B4GALT4: variants seen among roughly 807,000 people sequenced by gnomAD.
The protein encoded by B4GALT4 is beta-1,4-galactosyltransferase 4.
In B4GALT4, 27 loss-of-function variants were observed where a neutral mutation model predicts 37.3. That is an observed-to-expected ratio of 0.72 (90% CI 0.53 to 1.00). The LOEUF is 1.00. Ranked by LOEUF, B4GALT4 falls within the 50% of genes least tolerant of loss-of-function variation. The probability of loss-of-function intolerance (pLI) is 0.00; values close to 1 mark genes in which losing one functional copy is unlikely to be tolerated. For missense variants in B4GALT4, 372 were observed against 413.1 expected, an observed-to-expected ratio of 0.90 and a Z score of 0.86; for synonymous variants, 148 against 154.1, an observed-to-expected ratio of 0.96 and a Z score of 0.29.
At chr3:119,216,434 ACACACG>A (rs1360735558) in intron 6 of B4GALT4, 90 bp from the exon 7 acceptor site, 5 of 313,460 alleles carry the variant, frequency 1.6e-5, no homozygotes, top group South Asian at 3.5e-5. Context: ...ATTTATACAC[ACACACG>A]CACATACACA....
At chr3:119,223,137 C>T (rs2078497263) in intron 5 of B4GALT4, among the ~76,000 whole-genome samples, 1 of 152,210 alleles carries the variant, frequency 6.6e-6, no homozygotes, top group Non-Finnish European at 1.5e-5. Context: ...CCCTCTCTCC[C>T]CTCCTTACCA....
chr3:119,239,160 T>A (rs559454117), intron 1 of B4GALT4, among the ~76,000 whole-genome samples: 1 of 152,096 alleles, frequency 6.6e-6, no homozygotes, highest in Non-Finnish European at 1.5e-5. Flanking sequence ...ACCCCATCAC[T>A]ACTAAAAATA....
Position 119,230,051 on chromosome 3 carries a change from A to G in B4GALT4, c.49T>C (p.Leu17=). The G allele has an allele frequency of 6.2e-7, 1 of 1,614,208 alleles. No individual in the cohort carries two copies. The highest frequency in any genetic ancestry group is 8.5e-7 in the Non-Finnish European group (1 of 1,180,022). The change falls in exon 3 of 8, where the codon TTG becomes CTG. Residue 17 remains leucine, a synonymous_variant. Coordinates refer to ENST00000393765, the MANE Select transcript of B4GALT4 (RefSeq NM_003778.4). ...ACTGTCAGGCACAAAGTCAACAGCA[A>G]CAGTAATCGGAATTTGTAGGAAAGG... ...FHLSYKFRLL[L]LLTLCLTVVG...
chr3:119,212,915 C>A, intron 7 of B4GALT4: 1 of 449,644 alleles, frequency 2.2e-6, no homozygotes, highest in African/African-American at 2.0e-5. Flanking sequence ...TGTCACTGCA[C>A]TCAGTGAGCC....
intron 5 of B4GALT4, among the ~76,000 whole-genome samples, chr3:119,219,525 G>A (rs1462405989): frequency 6.6e-6 from 1 of 152,268 alleles, no homozygotes; most frequent in African/African-American, 2.4e-5. Context: ...AAGCTCACAA[G>A]AGAGGAACGA....
At chr3:119,220,146 A>G (rs2078407453) in intron 5 of B4GALT4, among the ~76,000 whole-genome samples, 1 of 152,220 alleles carries the variant, frequency 6.6e-6, no homozygotes, top group South Asian at 2.1e-4. Context: ...AAATTCTGGG[A>G]AATTGTATTT....
intron 3 of B4GALT4, among the ~76,000 whole-genome samples, chr3:119,229,010 A>C (rs545466936): frequency 6.6e-6 from 1 of 152,352 alleles, no homozygotes; most frequent in African/African-American, 2.4e-5. Flanking sequence ...ACTGTTTAAC[A>C]TAAGTTGAGA....
At chr3:119,226,627 A>G (rs1220650873) in intron 4 of B4GALT4, 182 bp downstream of exon 4, 13 of 621,726 alleles carry the variant, frequency 2.1e-5, no homozygotes, top group Middle Eastern at 4.4e-4. Flanking sequence ...ACTTGAACCC[A>G]TAACTCCACA....
rs867715872 is a variant in B4GALT4 at position 119,237,694 on chromosome 3, A to G, written c.-363-624T>C. Among the ~76,000 whole-genome samples the G allele has an allele frequency of 3.0e-4, 45 of 152,380 alleles. No individual in the cohort carries two copies. The Middle Eastern group carries it at 0.024, about 81-fold the overall frequency. ...TGGTAAGGAAAAGCAGTAAGAAGAT[A>G]TGTGAAAATGAGATTTTAAAAATGT... On this transcript the variant is annotated intron_variant, in intron 1 of 7. Transcript: ENST00000393765.
At chr3:119,227,291 T>C (rs1161455031) in intron 3 of B4GALT4, among the ~76,000 whole-genome samples, 1 of 152,186 alleles carries the variant, frequency 6.6e-6, no homozygotes, top group African/African-American at 2.4e-5. Flanking sequence ...GGCTGGGTAA[T>C]CAACTTGCTC....
At chr3:119,212,811 A>G in intron 7 of B4GALT4, 130 bp from the exon 8 acceptor site, 12 of 947,684 alleles carry the variant, frequency 1.3e-5, no homozygotes, top group Non-Finnish European at 1.8e-5. Context: ...CTACCATTAC[A>G]AAGTTTGTTT....
rs1372024792 is a variant in B4GALT4 at position 119,211,850 on chromosome 3, C to T, written c.*699G>A. On this transcript the variant is annotated 3_prime_UTR_variant, in exon 8 of 8. Transcript: ENST00000393765. Reference sequence around the variant, plus strand: ...ATCCTACTTGTACAAAATCATTTTACAAAAACTCTTTAAAAACTAATAGAG... The same window carrying T: ...ATCCTACTTGTACAAAATCATTTTATAAAAACTCTTTAAAAACTAATAGAG... 6.2e-6 allele frequency: 2 copies of T among 323,724 alleles called. No homozygotes were observed. Among genetic ancestry groups the T allele is most frequent in the Non-Finnish European group, 1.1e-5 (2 of 178,062 alleles). 20.1% of individuals were successfully genotyped at this position (323,724 alleles called of 1,614,324 possible). A position where few individuals can be genotyped will look rare whatever the true frequency, so the allele number is the denominator to read the frequency against.
Position 119,229,872 on chromosome 3 carries a change from G to C in B4GALT4, c.228C>G (p.Asn76Lys), listed in dbSNP as rs754079803. ...TGAGGTAAGGAGACACAGAAGGGCA[G>C]TTGTCAAGTTCTACCTTCTTCGTGG... ...EASTKKVELD[N>K]CPSVSPYLRG... The change falls in exon 3 of 8, where the codon AAC (asparagine) becomes AAG (lysine). Residue 76 changes from asparagine to lysine, a missense_variant. Coordinates refer to ENST00000393765, the MANE Select transcript of B4GALT4 (RefSeq NM_003778.4). 1 of 1,614,198 alleles carries C rather than the reference G, an allele frequency of 6.2e-7. No homozygotes were observed. Among genetic ancestry groups the C allele is most frequent in the Non-Finnish European group, 8.5e-7 (1 of 1,180,020 alleles).
chr3:119,230,164 A>G lies in B4GALT4; in HGVS notation c.-65T>C, dbSNP rs2078762380. The G allele has an allele frequency of 1.9e-6, 3 of 1,579,650 alleles. No individual in the cohort carries two copies. The highest frequency in any genetic ancestry group is 1.7e-4 in the Middle Eastern group (1 of 5,904). ...CTGCAGGCAAGAAAGCTTCAAGTTGAGCTTTTCCAATCTGATTGCGAACTT... is the reference window on the plus strand; with the variant it reads ...CTGCAGGCAAGAAAGCTTCAAGTTGGGCTTTTCCAATCTGATTGCGAACTT... On this transcript the variant is annotated 5_prime_UTR_variant, in exon 3 of 8. Transcript: ENST00000393765.
rs139134733 is a variant in B4GALT4 at position 119,234,613 on chromosome 3, A to G, written c.-146+2240T>C. 7.3e-4 allele frequency among the ~76,000 whole-genome samples: 111 copies of G among 152,312 alleles called. 1 individual carries two copies. Among genetic ancestry groups the G allele is most frequent in the East Asian group, 7.1e-3 (37 of 5,190 alleles). On this transcript the variant is annotated intron_variant, in intron 2 of 7. Coordinates refer to ENST00000393765, the MANE Select transcript of B4GALT4 (RefSeq NM_003778.4). ...AGAAAAACATAATGACTTTTTAAAGAAAGTTATTTTTAGGGCAAGTGACTC... is the reference window on the plus strand; with the variant it reads ...AGAAAAACATAATGACTTTTTAAAGGAAGTTATTTTTAGGGCAAGTGACTC...
intron 5 of B4GALT4, among the ~76,000 whole-genome samples, chr3:119,219,917 G>C (rs2078400766): frequency 6.6e-6 from 1 of 152,142 alleles, no homozygotes; most frequent in Non-Finnish European, 1.5e-5. Context: ...TTTAACTTCA[G>C]GTCAAACTGT....
intron 2 of B4GALT4, among the ~76,000 whole-genome samples, chr3:119,233,728 G>A (rs1443435697): frequency 6.6e-6 from 1 of 152,184 alleles, no homozygotes; most frequent in Non-Finnish European, 1.5e-5. Flanking sequence ...CTAAAAGCAA[G>A]GAGCCATTAT....
intron 3 of B4GALT4, among the ~76,000 whole-genome samples, chr3:119,228,968 C>T (rs2078721186): frequency 7.1e-6 from 1 of 141,780 alleles, no homozygotes; most frequent in Admixed American, 6.9e-5. Flanking sequence ...AGGGCCCTGA[C>T]CATGCTGGCA....
rs749382142 is a variant in B4GALT4 at position 119,226,971 on chromosome 3, C to T, written c.324G>A (p.Val108=). Residue 108 remains valine, a synonymous_variant, in exon 4 of 8, where the codon GTG becomes GTA. Transcript: ENST00000393765. ...LEEVQAENPK[V]SRGRYRPQEC... ...CCTGAGGGCGATACCGGCCTCTGGA[C>T]ACTTTGGGATTTTCTGCCTGTACCT... 3 of 1,614,052 alleles carry T rather than the reference C, an allele frequency of 1.9e-6. No homozygotes were observed. Among genetic ancestry groups the T allele is most frequent in the African/African-American group, 1.3e-5 (1 of 74,908 alleles).
Sources: allele counts gnomAD v4.1 joint callset (sites outside exome capture counted in the v4.1 genomes callset), GRCh38; gene constraint gnomAD v4.1.1; transcripts MANE v1.5; gene names NCBI Gene and HGNC (gene_info 2026-07-23, HGNC 2026-07-21).